CENPP: variants seen among roughly 807,000 people sequenced by gnomAD.
CENPP encodes centromere protein P.
A neutral mutation model predicts 35.6 loss-of-function variants in CENPP; 24 were observed. The ratio of observed to expected loss-of-function variants is 0.67; its 90% CI spans 0.49 to 0.95. CENPP has a LOEUF of 0.95. Among genes scored for constraint, CENPP ranks in the 40% least tolerant of loss-of-function variants. The pLI, the probability that CENPP is intolerant of heterozygous loss-of-function variation, is 0.00. For synonymous variants in CENPP, 120 were observed against 125.5 expected, an observed-to-expected ratio of 0.96 and a Z score of 0.29; for missense variants, 332 against 345.3, an observed-to-expected ratio of 0.96 and a Z score of 0.31.
chr9:92,430,566 C>T (rs1009190790), intron 5 of CENPP, among the ~76,000 whole-genome samples: 10 of 151,808 alleles, frequency 6.6e-5, no homozygotes, highest in Non-Finnish European at 1.3e-4. Flanking sequence ...ATGTTGACCA[C>T]GCTAGTCTCG....
intron 5 of CENPP, among the ~76,000 whole-genome samples, chr9:92,546,398 C>T (rs572906585): frequency 1.6e-4 from 25 of 152,188 alleles, no homozygotes; most frequent in Admixed American, 3.9e-4. Context: ...GCTGCTCACT[C>T]TTTGGGTCCA....
intron 5 of CENPP, among the ~76,000 whole-genome samples, chr9:92,553,789 C>A (rs1286924978): frequency 6.6e-6 from 1 of 152,086 alleles, no homozygotes; most frequent in Non-Finnish European, 1.5e-5. Flanking sequence ...TTGCTAAATT[C>A]TTTGATCAGT....
intron 5 of CENPP, among the ~76,000 whole-genome samples, chr9:92,583,638 T>C (rs1252707657): frequency 2.0e-5 from 3 of 152,054 alleles, no homozygotes; most frequent in Admixed American, 6.6e-5. Flanking sequence ...GTTTTTTTTT[T>C]CTTCTTTTTT....
intron 5 of CENPP, among the ~76,000 whole-genome samples, chr9:92,599,234 C>A (rs781516567): frequency 6.6e-6 from 1 of 151,942 alleles, no homozygotes; most frequent in Non-Finnish European, 1.5e-5. Flanking sequence ...CCAAACCAGG[C>A]CCTGAAAGGA....
chr9:92,488,181 T>C (rs1846104807), intron 5 of CENPP, among the ~76,000 whole-genome samples: 1 of 152,226 alleles, frequency 6.6e-6, no homozygotes, highest in African/African-American at 2.4e-5. Flanking sequence ...TATTATTCAT[T>C]GGTGAATATA....
intron 5 of CENPP, among the ~76,000 whole-genome samples, chr9:92,382,369 G>T (rs1377546732): frequency 6.6e-6 from 1 of 151,930 alleles, no homozygotes; most frequent in Non-Finnish European, 1.5e-5. Context: ...ATTTCTTTGT[G>T]TTGGGAACCG....
chr9:92,420,023 A>G (rs1843737538), intron 5 of CENPP, among the ~76,000 whole-genome samples: 1 of 152,204 alleles, frequency 6.6e-6, no homozygotes, highest in Non-Finnish European at 1.5e-5. Flanking sequence ...AATTTGAAGT[A>G]GTTATTCAGG....
intron 4 of CENPP, among the ~76,000 whole-genome samples, chr9:92,372,099 C>CTTTTTTTT (rs71362382): frequency 9.8e-4 from 30 of 30,684 alleles, no homozygotes; most frequent in African/African-American, 2.4e-3. Context: ...TGCCAGCCAT[C>CTTTTTTTT]TTTTTTTTTT....
At chr9:92,611,036 G>A (rs1418877959) in intron 5 of CENPP, 9 of 512,766 alleles carry the variant, frequency 1.8e-5, no homozygotes, top group Middle Eastern at 5.3e-4. Flanking sequence ...AAGGGTGTGG[G>A]GAAACCTGTG....
At position 92,509,881 on chromosome 9, in the gene CENPP, A is replaced by G. The variant is rs374378602; in HGVS notation, c.565-101433A>G. On this transcript the variant is annotated intron_variant, in intron 5 of 7. Coordinates refer to ENST00000375587, the MANE Select transcript of CENPP (RefSeq NM_001012267.3). Reference sequence around the variant, plus strand: ...AGATTATAAGGAAGCATATCATTGAAAAACAAATATTAAATACCTGATAAA... The same window carrying G: ...AGATTATAAGGAAGCATATCATTGAGAAACAAATATTAAATACCTGATAAA... 20 of 1,593,574 alleles carry G rather than the reference A, an allele frequency of 1.3e-5. No individual in the cohort carries two copies. The African/African-American group carries it at 2.6e-4, about 21-fold the overall frequency.
intron 5 of CENPP, among the ~76,000 whole-genome samples, chr9:92,573,923 G>A (rs1399414137): frequency 1.3e-5 from 2 of 152,206 alleles, no homozygotes; most frequent in Non-Finnish European, 2.9e-5. Flanking sequence ...ATCTCCTGGT[G>A]TGCCGTTTGC....
At chr9:92,393,180 A>T (rs1842758519) in intron 5 of CENPP, 1 of 1,613,770 alleles carries the variant, frequency 6.2e-7, no homozygotes, top group Admixed American at 1.7e-5. Context: ...GTACAGCATC[A>T]ATGTCAACTT....
chr9:92,360,394 A>C (rs1841715583), intron 4 of CENPP, among the ~76,000 whole-genome samples: 1 of 152,122 alleles, frequency 6.6e-6, no homozygotes, highest in South Asian at 2.1e-4. Context: ...GGAAGACCCT[A>C]TCTCTACAAA....
At chr9:92,460,461 T>G (rs569074049) in intron 5 of CENPP, 6 of 1,517,448 alleles carry the variant, frequency 4.0e-6, no homozygotes, top group Middle Eastern at 1.7e-4. Context: ...GTTAAAATTT[T>G]GGGAACGTTT....
rs1052943371 is a variant in CENPP at position 92,618,477 on chromosome 9, A to G, written c.*5328A>G. 1 of 456,426 alleles carries G rather than the reference A, an allele frequency of 2.2e-6. No individual in the cohort carries two copies. The highest frequency in any genetic ancestry group is 4.4e-6 in the Non-Finnish European group (1 of 226,932). The allele number at this position is 456,426 out of a possible 1,614,324, so 28.3% of individuals were successfully genotyped here. ...TTCAGCGGCCTTTCACAGCCCACCTAAGGGCACCCTGCATCCAAGCACATT... is the reference window on the plus strand; with the variant it reads ...TTCAGCGGCCTTTCACAGCCCACCTGAGGGCACCCTGCATCCAAGCACATT... On this transcript the variant is annotated 3_prime_UTR_variant, in exon 8 of 8. Transcript: ENST00000375587.
At chr9:92,478,937 A>T (rs1008923681) in intron 5 of CENPP, among the ~76,000 whole-genome samples, 4 of 152,144 alleles carry the variant, frequency 2.6e-5, no homozygotes, top group Admixed American at 1.3e-4. Flanking sequence ...GGGTGCCAAG[A>T]ACACATCGTG....
At chr9:92,529,091 C>A (rs1848588423) in intron 5 of CENPP, among the ~76,000 whole-genome samples, 1 of 152,100 alleles carries the variant, frequency 6.6e-6, no homozygotes, top group Non-Finnish European at 1.5e-5. Context: ...AAATACATGA[C>A]AAGGGATGAA....
intron 4 of CENPP, among the ~76,000 whole-genome samples, chr9:92,357,646 C>G (rs1841627619): frequency 6.6e-6 from 1 of 151,942 alleles, no homozygotes; most frequent in Non-Finnish European, 1.5e-5. Flanking sequence ...AGGCATGCGC[C>G]ACCACTCCTG....
At chr9:92,566,301 A>AC (rs1208562396) in intron 5 of CENPP, among the ~76,000 whole-genome samples, 20 of 149,880 alleles carry the variant, frequency 1.3e-4, no homozygotes, top group African/African-American at 4.6e-4. Flanking sequence ...CTCCATCTCA[A>AC]AAAAAAAAAA....
Sources: allele counts gnomAD v4.1 joint callset (sites outside exome capture counted in the v4.1 genomes callset), GRCh38; gene constraint gnomAD v4.1.1; transcripts MANE v1.5; gene names NCBI Gene and HGNC (gene_info 2026-07-23, HGNC 2026-07-21).